Variants in GSN observed in about 807,000 individuals in gnomAD.
GSN encodes actin-depolymerizing factor.
Under a neutral mutation model 85.7 loss-of-function variants are expected in GSN, and 56 were observed. That is an observed-to-expected ratio of 0.65 (90% CI 0.53 to 0.82). The LOEUF (loss-of-function observed/expected upper bound fraction) is 0.82, where lower values mean the gene tolerates loss of function less well. Ranked by LOEUF, GSN falls within the 40% of genes least tolerant of loss-of-function variation. The pLI, the probability that GSN is intolerant of heterozygous loss-of-function variation, is 0.00. For synonymous variants in GSN, 373 were observed against 399.1 expected (o/e 0.93, Z 0.78); for missense variants, 857 against 979.8 (o/e 0.87, Z 1.67).
intron 2 of GSN, among the ~76,000 whole-genome samples, chr9:121,288,086 C>T (rs931158945): frequency 6.6e-6 from 1 of 152,146 alleles, no homozygotes; most frequent in Admixed American, 6.5e-5. Context: ...ACCATCATGC[C>T]TGGCTAATTT....
rs1014699266 is a variant in GSN at position 121,307,180 on chromosome 9, C to CA, written c.352-3494dup. 2.7e-3 allele frequency among the ~76,000 whole-genome samples: 381 copies of CA among 141,124 alleles called. 1 individual carries two copies. Among genetic ancestry groups the CA allele is most frequent in the African/African-American group, 8.7e-3 (330 of 38,074 alleles). The allele number at this position is 141,124 out of a possible 152,430, so 92.6% of individuals were successfully genotyped here. On this transcript the variant is annotated intron_variant, in intron 4 of 17. Transcript: ENST00000432226. ...TGGGCGATGGAACGAGACTCTGTCT[C>CA]AAAAAAAAAAGAATTATTTTATAAA...
At chr9:121,215,017 A>C (rs1021308735) in intron 4 of GSN, among the ~76,000 whole-genome samples, 10 of 152,198 alleles carry the variant, frequency 6.6e-5, no homozygotes, top group African/African-American at 2.2e-4. Flanking sequence ...GTGTCAGCAC[A>C]GCTGTGCTCC....
At chr9:121,277,652 T>C (rs574588765) in intron 1 of GSN, among the ~76,000 whole-genome samples, 12 of 143,974 alleles carry the variant, frequency 8.3e-5, no homozygotes, top group African/African-American at 2.5e-5. Context: ...TGAACAGCCC[T>C]TAAAATACTT....
At chr9:121,306,851 C>G (rs1321657178) in intron 4 of GSN, among the ~76,000 whole-genome samples, 1 of 152,174 alleles carries the variant, frequency 6.6e-6, no homozygotes, top group Non-Finnish European at 1.5e-5. Context: ...GTTAATTAAT[C>G]AGGCAGCTCA....
intron 2 of GSN, among the ~76,000 whole-genome samples, chr9:121,291,525 T>A (rs1228242745): frequency 6.6e-6 from 1 of 151,186 alleles, no homozygotes; most frequent in Non-Finnish European, 1.5e-5. Context: ...TTCAAGCCAT[T>A]CTCCTGTCTC....
At chr9:121,217,104 A>T (rs1258375284) in intron 4 of GSN, among the ~76,000 whole-genome samples, 1 of 152,216 alleles carries the variant, frequency 6.6e-6, no homozygotes, top group Non-Finnish European at 1.5e-5. Context: ...TCACGCCTAT[A>T]ATCCCAGCAC....
chr9:121,224,257 C>T (rs969511108), intron 4 of GSN, among the ~76,000 whole-genome samples: 18 of 151,910 alleles, frequency 1.2e-4, no homozygotes, highest in African/African-American at 3.4e-4. Flanking sequence ...TCACCACGCC[C>T]GGCTAATTTT....
intron 4 of GSN, among the ~76,000 whole-genome samples, chr9:121,213,942 G>C (rs1332685351): frequency 6.6e-6 from 1 of 152,212 alleles, no homozygotes; most frequent in Non-Finnish European, 1.5e-5. Context: ...TTTAGAGCAA[G>C]GACTTTAGAT....
intron 6 of GSN, among the ~76,000 whole-genome samples, chr9:121,252,058 A>G (rs1023156704): frequency 3.9e-5 from 6 of 152,204 alleles, no homozygotes; most frequent in African/African-American, 1.4e-4. Flanking sequence ...AGTGCCCACT[A>G]TGTACCAGGC....
rs1475296477 is a variant in GSN at position 121,329,160 on chromosome 9, C to G, written c.1888-78C>G. The G allele has an allele frequency of 6.9e-7, 1 of 1,458,044 alleles. No homozygotes were observed. The highest frequency in any genetic ancestry group is 9.6e-7 in the Non-Finnish European group (1 of 1,040,540). The allele number at this position is 1,458,044 out of a possible 1,614,324, so 90.3% of individuals were successfully genotyped here. ...CTGCCAGCTGCAGCCAGCTGTGCCACTCCCTCAGGGGGCAGATAAAGGAAG... is the reference window on the plus strand; with the variant it reads ...CTGCCAGCTGCAGCCAGCTGTGCCAGTCCCTCAGGGGGCAGATAAAGGAAG... On this transcript the variant is annotated intron_variant, in intron 15 of 17. Coordinates refer to ENST00000432226, the MANE Select transcript of GSN (RefSeq NM_198252.3). This position sits in a 1 kb window ranked among gnomAD's most constrained non-coding sequence, Gnocchi z 4.6.
intron 4 of GSN, among the ~76,000 whole-genome samples, chr9:121,227,132 A>C (rs533295445): frequency 9.2e-5 from 14 of 152,172 alleles, no homozygotes; most frequent in African/African-American, 3.4e-4. Flanking sequence ...GGTGGCTCAC[A>C]CTCGTAATCC....
chr9:121,319,004 T>C (rs2062055676), intron 10 of GSN, 124 bp downstream of exon 10: 1 of 803,136 alleles, frequency 1.2e-6, no homozygotes, highest in Non-Finnish European at 2.1e-6. Context: ...TGAGATTCTT[T>C]GGTGTTACTT....
intron 10 of GSN, among the ~76,000 whole-genome samples, chr9:121,319,294 AT>A (rs1287472773): frequency 6.6e-6 from 1 of 151,814 alleles, no homozygotes; most frequent in Non-Finnish European, 1.5e-5. Flanking sequence ...AGTGATGGGC[AT>A]TCCAGGAGGG....
Position 121,321,275 on chromosome 9 carries a change from G to A in GSN, c.1199G>A (p.Arg400Lys). The change falls in exon 11 of 18, where the codon AGA becomes AAA. Residue 400 changes from arginine to lysine, a missense_variant. Transcript: ENST00000432226. The stretch of plus-strand genomic sequence containing the variant: ...CCAGCTTTGCTCCTGCAGATCTGGA[G>A]AATCGAAGGTTCCAACAAGGTGCCC... ...DDGTGQKQIW[R>K]IEGSNKVPVD... 3.1e-6 allele frequency: 5 copies of A among 1,614,114 alleles called. No individual in the cohort carries two copies. The highest frequency in any genetic ancestry group is 4.2e-6 in the Non-Finnish European group (5 of 1,180,028).
intron 4 of GSN, among the ~76,000 whole-genome samples, chr9:121,213,922 C>G (rs1209744366): frequency 6.6e-6 from 1 of 152,156 alleles, no homozygotes; most frequent in Non-Finnish European, 1.5e-5. Context: ...CCGACGAGCT[C>G]GTACCTTCTT....
rs193131175 is a variant in GSN at position 121,320,707 on chromosome 9, G to A, written c.1192-561G>A. 1.2e-4 allele frequency among the ~76,000 whole-genome samples: 18 copies of A among 151,774 alleles called. No individual in the cohort carries two copies. The East Asian group carries it at 1.9e-3, about 16-fold the overall frequency. Reference sequence around the variant, plus strand: ...TCCAGGCAGCTCAGTAACAATAGAGGTAATGGTGATATTAGTAAGATAATA... The same window carrying A: ...TCCAGGCAGCTCAGTAACAATAGAGATAATGGTGATATTAGTAAGATAATA... On this transcript the variant is annotated intron_variant, in intron 10 of 17. Coordinates refer to ENST00000432226, the MANE Select transcript of GSN (RefSeq NM_198252.3).
chr9:121,321,005 C>CA (rs1312652641), intron 10 of GSN, among the ~76,000 whole-genome samples: 1 of 152,144 alleles, frequency 6.6e-6, no homozygotes, highest in Non-Finnish European at 1.5e-5. Context: ...TTGGAGCTGC[C>CA]TTGACGATCC....
At chr9:121,310,958 G>C (rs749403498) in intron 5 of GSN, 113 bp downstream of exon 5, 14 of 907,050 alleles carry the variant, frequency 1.5e-5, no homozygotes, top group Non-Finnish European at 2.3e-5. Context: ...AAACCACAGG[G>C]ACCAGCATTG....
chr9:121,294,145 T>G (rs1348552618), intron 2 of GSN, among the ~76,000 whole-genome samples: 1 of 152,130 alleles, frequency 6.6e-6, no homozygotes, highest in East Asian at 1.9e-4. Flanking sequence ...CTGGCTTGGG[T>G]TGGGGCATTG....
Sources: allele counts gnomAD v4.1 joint callset (sites outside exome capture counted in the v4.1 genomes callset), GRCh38; gene constraint gnomAD v4.1.1; non-coding constraint Gnocchi (gnomAD v3.1); transcripts MANE v1.5; gene names NCBI Gene and HGNC (gene_info 2026-07-23, HGNC 2026-07-21).